The following CCDC33 variants were observed in gnomAD, a reference collection of about 807,000 sequenced individuals.
CCDC33 encodes coiled-coil domain-containing protein 33.
In CCDC33, 94 loss-of-function variants were observed where a neutral mutation model predicts 91.9. The ratio of observed to expected loss-of-function variants is 1.02; its 90% CI spans 0.87 to 1.21. The LOEUF is 1.21. CCDC33 is among the 50% of genes most tolerant of loss of function. The probability of loss-of-function intolerance (pLI) is 0.00; values close to 1 mark genes in which losing one functional copy is unlikely to be tolerated. For missense variants in CCDC33, 940 were observed against 935.5 expected, an observed-to-expected ratio of 1.00 and a Z score of -0.06; for synonymous variants, 396 against 374.5, an observed-to-expected ratio of 1.06 and a Z score of -0.66.
chr15:74,228,842 G>A (rs2074881232), intron 2 of CCDC33, among the ~76,000 whole-genome samples: 2 of 152,212 alleles, frequency 1.3e-5, no homozygotes, highest in Non-Finnish European at 2.9e-5. Flanking sequence ...CTGCAAATGC[G>A]ATTTCATGGC....
chr15:74,275,728 C>T (rs748885765), intron 7 of CCDC33, among the ~76,000 whole-genome samples: 5 of 151,960 alleles, frequency 3.3e-5, no homozygotes, highest in African/African-American at 7.3e-5. Flanking sequence ...AGTGCAGTGG[C>T]GCAATCCTGG....
intron 2 of CCDC33, among the ~76,000 whole-genome samples, chr15:74,251,229 C>A (rs1348095657): frequency 6.6e-6 from 1 of 152,262 alleles, no homozygotes; most frequent in African/African-American, 2.4e-5. Flanking sequence ...GAGACAGATT[C>A]TGTGCCCAGG....
At chr15:74,328,277 A>T (rs528898065) in intron 11 of CCDC33, among the ~76,000 whole-genome samples, 1 of 152,334 alleles carries the variant, frequency 6.6e-6, no homozygotes. Flanking sequence ...TGACCTGTTG[A>T]TTAAAGCAGT....
chr15:74,226,058 A>ATCAT (rs141418576), intron 2 of CCDC33, among the ~76,000 whole-genome samples: 66 of 152,298 alleles, frequency 4.3e-4, no homozygotes, highest in Non-Finnish European at 6.8e-4. Flanking sequence ...TGAGGTGATG[A>ATCAT]TCATTCATTC....
upstream of CCDC33, chr15:74,203,000 T>G (rs1391734757): frequency 3.1e-6 from 3 of 955,652 alleles, no homozygotes; most frequent in Non-Finnish European, 3.7e-6. Flanking sequence ...TTCACACACA[T>G]ACCTGCCTTC....
At chr15:74,332,976 C>G (rs2142891534) in intron 16 of CCDC33, 131 bp downstream of exon 16, 1 of 1,098,920 alleles carries the variant, frequency 9.1e-7, no homozygotes, top group East Asian at 2.5e-5. Context: ...CCTGGGGGCT[C>G]CTGGAATCAG....
chr15:74,214,943 C>T (rs972439799), upstream of CCDC33, among the ~76,000 whole-genome samples: 5 of 152,244 alleles, frequency 3.3e-5, no homozygotes, highest in Non-Finnish European at 4.4e-5. Flanking sequence ...TTAACCATTT[C>T]CCAGGCACCT....
At chr15:74,277,782 C>T (rs78407461) in intron 7 of CCDC33, among the ~76,000 whole-genome samples, 3,881 of 152,298 alleles carry the variant, frequency 0.025, 154 homozygotes, top group African/African-American at 0.089. Context: ...AGGGCTGTTC[C>T]TTATTGGGCC....
chr15:74,213,036 G>A (rs922065406), upstream of CCDC33: 1 of 152,116 alleles, frequency 6.6e-6, no homozygotes, highest in Non-Finnish European at 1.5e-5. Context: ...CCGACATTAT[G>A]AAACCCCGTC....
Position 74,331,074 on chromosome 15 carries a change from A to G in CCDC33, c.1639A>G (p.Met547Val), listed in dbSNP as rs1361019872. 1 of 1,613,660 alleles carries G rather than the reference A, an allele frequency of 6.2e-7. No individual in the cohort carries two copies. Residue 547 changes from methionine (M) to valine (V), a missense_variant, in exon 14 of 19, where the codon ATG (methionine) becomes GTG (valine). Physicochemically the swap from Met to Val is conservative, Grantham distance 21. Coordinates refer to ENST00000398814, the MANE Select transcript of CCDC33 (RefSeq NM_025055.5). ...LKQYQGKLQK[M>V]KALEETVRHQ... ...GCAGTACCAGGGCAAGCTGCAGAAGATGAAGGCGCTGGAGGAGACTGTGCG... is the reference window on the plus strand; with the variant it reads ...GCAGTACCAGGGCAAGCTGCAGAAGGTGAAGGCGCTGGAGGAGACTGTGCG...
chr15:74,245,849 C>T (rs2075511900), intron 2 of CCDC33, among the ~76,000 whole-genome samples: 1 of 152,156 alleles, frequency 6.6e-6, no homozygotes, highest in Admixed American at 6.5e-5. Context: ...CTGCAGCCTG[C>T]GTCCCAGGGC....
chr15:74,228,457 T>C (rs2074867757), intron 2 of CCDC33, among the ~76,000 whole-genome samples: 1 of 152,236 alleles, frequency 6.6e-6, no homozygotes, highest in South Asian at 2.1e-4. Context: ...AATGGCAGCT[T>C]GCCAGGTAGG....
In CCDC33 at chr15:74,273,890, G is replaced by A. The variant is rs181159343; in HGVS notation, c.759+999G>A. 7.5e-4 allele frequency among the ~76,000 whole-genome samples: 111 copies of A among 148,766 alleles called. 1 individual carries two copies. The highest frequency in any genetic ancestry group is 2.6e-3 in the African/African-American group (105 of 39,826). On this transcript the variant is annotated intron_variant, in intron 7 of 18. Transcript: ENST00000398814. The stretch of plus-strand genomic sequence containing the variant: ...TTGTTGCCCAGGCTGGAGTGCAGTG[G>A]CACCATCTTGGCTCACTAGCAACCT...
Position 74,281,861 on chromosome 15 carries a change from G to A in CCDC33, c.1095+12G>A. The A allele has an allele frequency of 1.2e-6, 2 of 1,612,278 alleles. No homozygotes were observed. The highest frequency in any genetic ancestry group is 8.5e-7 in the Non-Finnish European group (1 of 1,178,480). ...TGCTTTCCTCTGAGGTAAGGCTGTG[G>A]GCCAGGGGAGGGTCAGGGCCAGCAG... On this transcript the variant is annotated intron_variant, in intron 10 of 18. Transcript: ENST00000398814.
At position 74,280,743 on chromosome 15, in the gene CCDC33, A is replaced by G. The variant is rs773822655; in HGVS notation, c.965A>G (p.Gln322Arg). 5 of 1,580,902 alleles carry G rather than the reference A, an allele frequency of 3.2e-6. No individual in the cohort carries two copies. The Admixed American group carries it at 8.9e-5, about 28-fold the overall frequency. Residue 322 changes from glutamine to arginine, a missense_variant, in exon 9 of 19, where the codon CAG (glutamine) becomes CGG (arginine). Coordinates refer to ENST00000398814, the MANE Select transcript of CCDC33 (RefSeq NM_025055.5). Reference sequence around the variant, plus strand: ...TTGCCGCTAAAGAGCCGTTTGTACCAGAAGATGCTGACAGGGAAAGGCTTG... The same window carrying G: ...TTGCCGCTAAAGAGCCGTTTGTACCGGAAGATGCTGACAGGGAAAGGCTTG... Reference protein sequence around the residue: ...SVLPLKSRLYQKMLTGKGLDG... With the variant: ...SVLPLKSRLYRKMLTGKGLDG...
At chr15:74,295,546 C>T (rs980347734) in intron 10 of CCDC33, among the ~76,000 whole-genome samples, 4 of 152,094 alleles carry the variant, frequency 2.6e-5, no homozygotes, top group East Asian at 1.9e-4. Flanking sequence ...GAGGCAGGAG[C>T]GAGCTTGGCT....
intron 9 of CCDC33, among the ~76,000 whole-genome samples, chr15:74,281,360 C>T (rs1445975943): frequency 6.6e-6 from 1 of 152,212 alleles, no homozygotes; most frequent in African/African-American, 2.4e-5. Flanking sequence ...AAAATGGGTA[C>T]ATGGCAATAG....
rs2075161819 is a variant in CCDC33, at chr15:74,236,514, C to T, written c.-206C>T. ...CCAGGACCTGCTCCCACCTGGCCAC[C>T]CTCCCCCTCCCCCCACATCCAGGCC... On this transcript the variant is annotated 5_prime_UTR_variant, in exon 1 of 19. Coordinates refer to ENST00000398814, the MANE Select transcript of CCDC33 (RefSeq NM_025055.5). 3 of 402,942 alleles carry T rather than the reference C, an allele frequency of 7.4e-6. No homozygotes were observed. Among genetic ancestry groups the T allele is most frequent in the East Asian group, 4.5e-5 (1 of 22,436 alleles). The allele number at this position is 402,942 out of a possible 1,614,324, so 25.0% of individuals were successfully genotyped here.
chr15:74,289,914 A>G (rs1314584069), intron 10 of CCDC33, among the ~76,000 whole-genome samples: 1 of 152,212 alleles, frequency 6.6e-6, no homozygotes, highest in Non-Finnish European at 1.5e-5. Flanking sequence ...AAAACTGGAC[A>G]TTGAACACTC....
Sources: allele counts gnomAD v4.1 joint callset (sites outside exome capture counted in the v4.1 genomes callset), GRCh38; gene constraint gnomAD v4.1.1; transcripts MANE v1.5; gene names NCBI Gene and HGNC (gene_info 2026-07-23, HGNC 2026-07-21).